CFAP46: variants seen among roughly 807,000 people sequenced by gnomAD.
The protein encoded by CFAP46 is cilia- and flagella-associated protein 46.
In CFAP46, 245 loss-of-function variants were observed where a neutral mutation model predicts 325.7. The ratio of observed to expected loss-of-function variants is 0.75; its 90% CI spans 0.68 to 0.84. CFAP46 has a LOEUF of 0.84. Ranked by LOEUF, CFAP46 falls within the 40% of genes least tolerant of loss-of-function variation. The pLI is 0.00. For missense variants in CFAP46, 3,346 were observed against 3,543.0 expected (o/e 0.94, Z 1.41); for synonymous variants, 1,523 against 1,495.9 (o/e 1.02, Z -0.42).
intron 16 of CFAP46, among the ~76,000 whole-genome samples, 165 bp from the exon 17 acceptor site, chr10:132,916,847 A>T (rs1849647681): frequency 6.6e-6 from 1 of 152,008 alleles, no homozygotes; most frequent in Non-Finnish European, 1.5e-5. Flanking sequence ...CCCAATAGCC[A>T]CTCCAGGGAC....
Position 132,817,354 on chromosome 10 carries a change from C to T in CFAP46, c.7118-2440G>A, listed in dbSNP as rs561892200. 6.6e-6 allele frequency among the ~76,000 whole-genome samples: 1 copy of T among 152,302 alleles called. No homozygotes were observed. The highest frequency in any genetic ancestry group is 6.5e-5 in the Admixed American group (1 of 15,304). On this transcript the variant is annotated intron_variant, in intron 50 of 57. Transcript: ENST00000368586. The surrounding 1 kb of genome is among the most constrained non-coding windows in gnomAD (Gnocchi z 4.4). Reference sequence around the variant, plus strand: ...TCACGTGGGGGTCATTTGTGACGGGCGTGCTTCCTGCAAAGGGCATGCGGC... The same window carrying T: ...TCACGTGGGGGTCATTTGTGACGGGTGTGCTTCCTGCAAAGGGCATGCGGC...
In CFAP46 at chr10:132,827,336, G is replaced by A. The variant is rs1183380825; in HGVS notation, c.7117+6022C>T. Among the ~76,000 whole-genome samples the A allele has an allele frequency of 1.3e-5, 2 of 152,128 alleles. No homozygotes were observed. The highest frequency in any genetic ancestry group is 2.9e-5 in the Non-Finnish European group (2 of 68,020). On this transcript the variant is annotated intron_variant, in intron 50 of 57. Coordinates refer to ENST00000368586, the MANE Select transcript of CFAP46 (RefSeq NM_001200049.3). This position sits in a 1 kb window ranked among gnomAD's most constrained non-coding sequence, Gnocchi z 5.7. The stretch of plus-strand genomic sequence containing the variant: ...GAGAACAGCTATAAGCTGCCACGCC[G>A]ACTGCTGTGGGAGCTCCTGGGCCTG...
At chr10:132,829,641 G>A (rs1395122340) in intron 50 of CFAP46, among the ~76,000 whole-genome samples, 2 of 152,244 alleles carry the variant, frequency 1.3e-5, no homozygotes, top group Non-Finnish European at 2.9e-5. Context: ...GCCAACCTGC[G>A]ACGCTCAGGG....
In CFAP46 at chr10:132,876,766, C is replaced by G; in HGVS notation, c.4362+46G>C. The G allele has an allele frequency of 1.3e-6, 2 of 1,528,384 alleles. No homozygotes were observed. The highest frequency in any genetic ancestry group is 1.8e-6 in the Non-Finnish European group (2 of 1,136,948). The allele number at this position is 1,528,384 out of a possible 1,614,324, so 94.7% of individuals were successfully genotyped here. A position where few individuals can be genotyped will look rare whatever the true frequency, so the allele number is the denominator to read the frequency against. ...GACTTGGGGACAGGTCAAGGGGACA[C>G]CATGCTGTGACCAAGGTCTTGAGCC... On this transcript the variant is annotated intron_variant, in intron 31 of 57. Transcript: ENST00000368586. The surrounding 1 kb of genome is among the most constrained non-coding windows in gnomAD (Gnocchi z 4.1).
chr10:132,856,043 C>T (rs750693686), intron 39 of CFAP46, among the ~76,000 whole-genome samples: 1 of 152,234 alleles, frequency 6.6e-6, no homozygotes, highest in East Asian at 1.9e-4. Flanking sequence ...CTTCAGCTCT[C>T]GAGTGTTTGG....
rs1286151617 is a variant in CFAP46, at chr10:132,940,998, C to T, written c.369G>A (p.Pro123=). Residue 123 remains proline, a splice_region_variant and synonymous_variant, in exon 4 of 58, where the codon CCG becomes CCA. Transcript: ENST00000368586. ...MKAINFAKGE[P]RYYFLVYNAS... is the part of the protein sequence containing the mutation. Reference sequence around the variant, plus strand: ...ACGGCCACTTCAATTTTGCCTACCTCGGTTCTCCTTTGGCAAAGTTTATGG... The same window carrying T: ...ACGGCCACTTCAATTTTGCCTACCTTGGTTCTCCTTTGGCAAAGTTTATGG... 14 of 1,614,072 alleles carry T rather than the reference C, an allele frequency of 8.7e-6. No homozygotes were observed. Among genetic ancestry groups the T allele is most frequent in the African/African-American group, 4.0e-5 (3 of 74,950 alleles).
At chr10:132,861,108 G>C in intron 35 of CFAP46, 126 bp from the exon 36 acceptor site, 1 of 929,094 alleles carries the variant, frequency 1.1e-6, no homozygotes, top group Non-Finnish European at 1.6e-6. Flanking sequence ...CACCAGGTGA[G>C]GGGAAGACAG....
At chr10:132,937,808 G>T in intron 5 of CFAP46, 133 bp from the exon 6 acceptor site, 1 of 1,258,690 alleles carries the variant, frequency 7.9e-7, no homozygotes, top group Non-Finnish European at 1.1e-6. Flanking sequence ...AGCTTCTTCA[G>T]CCAGAACCAG....
At chr10:132,860,364 A>G (rs1848703582) in intron 37 of CFAP46, 53 bp downstream of exon 37, 2 of 1,415,404 alleles carry the variant, frequency 1.4e-6, no homozygotes, top group Non-Finnish European at 1.9e-6. Context: ...CAGATGGAAA[A>G]GAGGAAACCA....
At chr10:132,844,663 C>A (rs1247032518) in intron 44 of CFAP46, among the ~76,000 whole-genome samples, 1 of 152,160 alleles carries the variant, frequency 6.6e-6, no homozygotes, top group Non-Finnish European at 1.5e-5. Flanking sequence ...CCTGGCCCTG[C>A]ACTCAGTCCT....
intron 25 of CFAP46, among the ~76,000 whole-genome samples, chr10:132,891,438 G>A (rs561352462): frequency 1.7e-4 from 26 of 152,334 alleles, no homozygotes; most frequent in African/African-American, 4.3e-4. Flanking sequence ...CAGAGTGGAC[G>A]CTTTGTAGCC....
Position 132,889,531 on chromosome 10 carries a change from C to T in CFAP46, c.3304+2802G>A, listed in dbSNP as rs1387296980. 6.6e-6 allele frequency among the ~76,000 whole-genome samples: 1 copy of T among 152,190 alleles called. No homozygotes were observed. The highest frequency in any genetic ancestry group is 1.5e-5 in the Non-Finnish European group (1 of 68,030). ...TGCTTGAATTCATTAAACCAGGGTC[C>T]AATGAACTTGGAAACCACACATAGG... On this transcript the variant is annotated intron_variant, in intron 25 of 57. Transcript: ENST00000368586. This position sits in a 1 kb window ranked among gnomAD's most constrained non-coding sequence, Gnocchi z 6.0.
rs993918790 is a variant in CFAP46, at chr10:132,828,974, C to A, written c.7117+4384G>T. ...TGCGCTCCACTGTATCAATACTGCA[C>A]CCATGTGACGGGGTCCTGACATCAG... On this transcript the variant is annotated intron_variant, in intron 50 of 57. Transcript: ENST00000368586. The surrounding 1 kb of genome is among the most constrained non-coding windows in gnomAD (Gnocchi z 4.9). 6.6e-6 allele frequency among the ~76,000 whole-genome samples: 1 copy of A among 151,856 alleles called. No homozygotes were observed. Among genetic ancestry groups the A allele is most frequent in the Non-Finnish European group, 1.5e-5 (1 of 68,018 alleles).
In CFAP46 at chr10:132,913,036, C is replaced by A; in HGVS notation, c.2333+10G>T. 2 of 1,549,130 alleles carry A rather than the reference C, an allele frequency of 1.3e-6. No homozygotes were observed. The highest frequency in any genetic ancestry group is 2.7e-5 in the African/African-American group (2 of 73,158). On this transcript the variant is annotated intron_variant, in intron 18 of 57. Coordinates refer to ENST00000368586, the MANE Select transcript of CFAP46 (RefSeq NM_001200049.3). Reference sequence around the variant, plus strand: ...CCTCCCTGCGTGAACGCAGCACAGCCCACACGCACCCACTGTGGCCTGTGG... The same window carrying A: ...CCTCCCTGCGTGAACGCAGCACAGCACACACGCACCCACTGTGGCCTGTGG...
intron 39 of CFAP46, among the ~76,000 whole-genome samples, chr10:132,854,330 G>A (rs76757873): frequency 0.019 from 2,887 of 151,814 alleles, 55 homozygotes; most frequent in Middle Eastern, 0.061. Flanking sequence ...TCTGTGTTTT[G>A]TTTTGTTTTG....
rs912782326 is a variant in CFAP46, at chr10:132,835,384, G to C, written c.6664C>G (p.Leu2222Val). The change falls in exon 47 of 58, where the codon CTG (leucine) becomes GTG (valine). Residue 2222 changes from leucine (L) to valine (V), a missense_variant. Transcript: ENST00000368586. ...CGGAACTGCTGGGCACAGGCCAGCAGGTGGGAGAAGGCAGTGGGACTTATG... is the reference window on the plus strand; with the variant it reads ...CGGAACTGCTGGGCACAGGCCAGCACGTGGGAGAAGGCAGTGGGACTTATG... Reference protein sequence around the residue: ...LAISPTAFSHLLACAQQFRKQ... With the variant: ...LAISPTAFSHVLACAQQFRKQ... 1 of 1,613,728 alleles carries C rather than the reference G, an allele frequency of 6.2e-7. No homozygotes were observed. Among genetic ancestry groups the C allele is most frequent in the Non-Finnish European group, 8.5e-7 (1 of 1,179,962 alleles).
chr10:132,922,861 G>A (rs1849748859), intron 11 of CFAP46, among the ~76,000 whole-genome samples, 153 bp from the exon 12 acceptor site: 1 of 152,204 alleles, frequency 6.6e-6, no homozygotes, highest in African/African-American at 2.4e-5. Context: ...TTCCAGTGAT[G>A]TCCCTACCTG....
At chr10:132,821,280 G>C (rs1171158489) in intron 50 of CFAP46, among the ~76,000 whole-genome samples, 1 of 137,548 alleles carries the variant, frequency 7.3e-6, no homozygotes, top group Admixed American at 7.1e-5. Flanking sequence ...TGCTGTGTGA[G>C]TGCTGATGTG....
intron 6 of CFAP46, 184 bp downstream of exon 6, chr10:132,937,368 A>G: frequency 1.4e-6 from 1 of 691,902 alleles, no homozygotes; most frequent in Non-Finnish European, 2.4e-6. Flanking sequence ...TCACAGTTCT[A>G]TACATCTTTG....
Sources: gnomAD v4.1 joint callset for allele counts (sites outside exome capture counted in the v4.1 genomes callset) on GRCh38, gnomAD v4.1.1 for gene constraint, Gnocchi (gnomAD v3.1) non-coding constraint, MANE v1.5 for transcripts, NCBI Gene and HGNC (gene_info 2026-07-23, HGNC 2026-07-21) for gene names.